Variants in DSCAM observed in about 807,000 individuals in gnomAD.
The protein encoded by DSCAM is DS cell adhesion molecule, also known as cell adhesion molecule DSCAM.
In DSCAM, 47 loss-of-function variants were observed where a neutral mutation model predicts 217.7. The observed-to-expected ratio is 0.22, with a 90% confidence interval of 0.17 to 0.28. DSCAM has a LOEUF of 0.28. Ranked by LOEUF, DSCAM falls within the 10% of genes least tolerant of loss-of-function variation. The pLI, the probability that DSCAM is intolerant of heterozygous loss-of-function variation, is 1.00. For synonymous variants in DSCAM, 1,056 were observed against 1,015.3 expected (o/e 1.04, Z -0.76); for missense variants, 2,080 against 2,618.3 (o/e 0.79, Z 4.49).
rs569763511 is a variant in DSCAM at position 40,438,786 on chromosome 21, G to A, written c.509-69541C>T. 3.3e-5 allele frequency among the ~76,000 whole-genome samples: 5 copies of A among 152,262 alleles called. No individual in the cohort carries two copies. In the East Asian group the frequency reaches 9.6e-4, roughly 29 times the overall value. On this transcript the variant is annotated intron_variant, in intron 3 of 32. Transcript: ENST00000400454. ...CAGCAGACCTTTCATCTCTCACGAG[G>A]CACTGTAACATACATGCTGAGAGCT...
chr21:40,370,887 G>C (rs2074890547), intron 3 of DSCAM, among the ~76,000 whole-genome samples: 1 of 152,100 alleles, frequency 6.6e-6, no homozygotes, highest in Admixed American at 6.5e-5. Flanking sequence ...CTCCCAAAGT[G>C]CCAGGGAGTG....
intron 1 of DSCAM, among the ~76,000 whole-genome samples, chr21:40,761,272 T>G (rs2091331996): frequency 6.6e-6 from 1 of 152,216 alleles, no homozygotes; most frequent in Non-Finnish European, 1.5e-5. Context: ...CAAATGTTTT[T>G]AGGAGAGAGT....
chr21:40,124,172 C>T (rs1049448625), intron 20 of DSCAM, 23 bp downstream of exon 20: 1 of 1,613,738 alleles, frequency 6.2e-7, no homozygotes, highest in African/African-American at 1.3e-5. Context: ...GCTTGAAAGG[C>T]ACTTGGTTAT....
chr21:40,837,519 G>C (rs936317127), intron 1 of DSCAM, among the ~76,000 whole-genome samples: 8 of 152,182 alleles, frequency 5.3e-5, no homozygotes, highest in Non-Finnish European at 2.9e-5. Flanking sequence ...AATAGCTATT[G>C]ATTTGGGTGA....
chr21:40,026,883 G>C (rs1360776390), intron 32 of DSCAM, among the ~76,000 whole-genome samples: 2 of 152,258 alleles, frequency 1.3e-5, no homozygotes, highest in African/African-American at 4.8e-5. Flanking sequence ...TACATGTAAA[G>C]TTAATATTGT....
intron 22 of DSCAM, among the ~76,000 whole-genome samples, chr21:40,086,952 G>A (rs2089540325): frequency 6.6e-6 from 1 of 152,160 alleles, no homozygotes; most frequent in East Asian, 1.9e-4. Context: ...GAACTAGAAG[G>A]CTCTGAATTA....
chr21:40,474,606 G>C (rs974336017), intron 3 of DSCAM, among the ~76,000 whole-genome samples: 1 of 152,172 alleles, frequency 6.6e-6, no homozygotes, highest in African/African-American at 2.4e-5. Context: ...CCGCAGAGCA[G>C]AGTTTGAAAA....
intron 5 of DSCAM, among the ~76,000 whole-genome samples, chr21:40,352,260 C>T (rs537407990): frequency 1.3e-5 from 2 of 152,222 alleles, no homozygotes; most frequent in African/African-American, 2.4e-5. Context: ...GAACAGGGAG[C>T]TAGGAGAGGT....
In DSCAM at chr21:40,846,996, G is replaced by C. The variant is rs975176355; in HGVS notation, c.-335C>G. 6.6e-6 allele frequency: 1 copy of C among 152,168 alleles called. No homozygotes were observed. The highest frequency in any genetic ancestry group is 2.1e-4 in the South Asian group (1 of 4,826). The allele number at this position is 152,168 out of a possible 1,614,324, so 9.4% of individuals were successfully genotyped here. The stretch of plus-strand genomic sequence containing the variant: ...GCAGACGCGGGCGTGAGCTCATCCC[G>C]GGCACTCGGCGCCCAGAATGCGCAG... On this transcript the variant is annotated 5_prime_UTR_variant, in exon 1 of 33. Coordinates refer to ENST00000400454, the MANE Select transcript of DSCAM (RefSeq NM_001389.5).
chr21:40,730,664 G>A (rs556528864), intron 1 of DSCAM, among the ~76,000 whole-genome samples: 1 of 152,250 alleles, frequency 6.6e-6, no homozygotes, highest in South Asian at 2.1e-4. Context: ...GCCACCTGAT[G>A]TGATGTGCTG....
intron 3 of DSCAM, among the ~76,000 whole-genome samples, chr21:40,428,962 C>T (rs1352316963): frequency 6.6e-6 from 1 of 151,974 alleles, no homozygotes; most frequent in Non-Finnish European, 1.5e-5. Flanking sequence ...TCACTGTAAC[C>T]CCTTGCAGCA....
intron 3 of DSCAM, among the ~76,000 whole-genome samples, chr21:40,573,715 T>G (rs1321839527): frequency 2.0e-5 from 3 of 152,078 alleles, no homozygotes; most frequent in Non-Finnish European, 2.9e-5. Flanking sequence ...AGAAATTTGT[T>G]TAAGACAGTT....
chr21:40,339,259 C>T lies in DSCAM; in HGVS notation c.1367G>A (p.Ser456Asn), dbSNP rs1209188347. Residue 456 changes from serine (S) to asparagine (N), a missense_variant, in exon 7 of 33, where the codon AGC becomes AAC. By Grantham distance (46) the Ser-to-Asn change is conservative (BLOSUM62 1). Transcript: ENST00000400454. ...PILKGGSHRI[S>N]QMITSEGNVV... is the part of the protein sequence containing the mutation. ...GTTCCCCTCCGACGTGATCATCTGG[C>T]TGATGCGGTGACTGCCACCCTTGAG... The T allele has an allele frequency of 1.2e-6, 2 of 1,614,066 alleles. No individual in the cohort carries two copies. The highest frequency in any genetic ancestry group is 8.5e-7 in the Non-Finnish European group (1 of 1,180,030).
intron 3 of DSCAM, among the ~76,000 whole-genome samples, chr21:40,686,148 C>A (rs1442455099): frequency 6.7e-6 from 1 of 149,096 alleles, no homozygotes; most frequent in Non-Finnish European, 1.5e-5. Context: ...ATCACACACA[C>A]CCCCTGCATA....
At chr21:40,770,823 T>C (rs1392125646) in intron 1 of DSCAM, among the ~76,000 whole-genome samples, 1 of 152,230 alleles carries the variant, frequency 6.6e-6, no homozygotes. Context: ...AAGCCTGAGA[T>C]AGTCATAACC....
At chr21:40,615,876 G>A (rs570445059) in intron 3 of DSCAM, among the ~76,000 whole-genome samples, 3 of 152,018 alleles carry the variant, frequency 2.0e-5, no homozygotes, top group Admixed American at 6.6e-5. Context: ...TAAAGGCCAC[G>A]GGCAGATAAT....
intron 3 of DSCAM, among the ~76,000 whole-genome samples, chr21:40,416,463 A>G (rs2075372977): frequency 2.0e-5 from 3 of 152,250 alleles, no homozygotes; most frequent in Non-Finnish European, 4.4e-5. Flanking sequence ...TCTAATAAAG[A>G]AAATGGACAT....
chr21:40,523,566 T>G (rs1282260391), intron 3 of DSCAM, among the ~76,000 whole-genome samples: 1 of 152,092 alleles, frequency 6.6e-6, no homozygotes, highest in Non-Finnish European at 1.5e-5. Flanking sequence ...AAAACCACCT[T>G]ACCACTCCAT....
rs2074866028 is a variant in DSCAM, at chr21:40,369,111, G to C, written c.643C>G (p.Leu215Val). 1 of 1,609,850 alleles carries C rather than the reference G, an allele frequency of 6.2e-7. No homozygotes were observed. Among genetic ancestry groups the C allele is most frequent in the South Asian group, 1.1e-5 (1 of 89,726 alleles). The change falls in exon 4 of 33, where the codon CTT (leucine) becomes GTT (valine). Residue 215 changes from leucine to valine, a missense_variant. Leu to Val is a conservative substitution (Grantham distance 32). This residue lies in a region of DSCAM where 568 missense variants were observed against 678.1 expected (regional missense o/e 0.84). Transcript: ENST00000400454. ...GETRQSNSAR[L>V]FVSDPANSAP... ...GATAAGTTTTTACCTGATACAAAAA[G>C]TCTGGCGCTGTTGCTCTGCCTCGTC...
Sources: gnomAD v4.1 joint callset for allele counts (sites outside exome capture counted in the v4.1 genomes callset) on GRCh38, gnomAD v4.1.1 for gene constraint, gnomAD v4.1.1 regional missense constraint, MANE v1.5 for transcripts, NCBI Gene and HGNC (gene_info 2026-07-23, HGNC 2026-07-21) for gene names.